TSHZ3: variants seen among roughly 807,000 people sequenced by gnomAD.
TSHZ3 encodes the protein teashirt zinc finger homeobox 3.
Under a neutral mutation model 64.5 loss-of-function variants are expected in TSHZ3, and 10 were observed. The ratio of observed to expected loss-of-function variants is 0.16; its 90% confidence interval spans 0.10 to 0.26. The LOEUF is 0.26. TSHZ3 is among the 10% of genes least tolerant of loss of function. The pLI, the probability that TSHZ3 is intolerant of heterozygous loss-of-function variation, is 1.00. For synonymous variants in TSHZ3, 608 were observed against 593.1 expected, an observed-to-expected ratio of 1.03 and a Z score of -0.36; for missense variants, 1,242 against 1,421.7, an observed-to-expected ratio of 0.87 and a Z score of 2.03.
intron 1 of TSHZ3, chr19:31,308,730 G>A (rs1916368267): frequency 1.0e-5 from 4 of 398,504 alleles, no homozygotes; most frequent in South Asian, 1.3e-4. Flanking sequence ...AGAAAAACAG[G>A]GACACACCGT....
intron 3 of TSHZ3, among the ~76,000 whole-genome samples, chr19:31,235,956 C>A (rs1975608442): frequency 6.6e-6 from 1 of 152,066 alleles, no homozygotes; most frequent in African/African-American, 2.4e-5. Context: ...CCCACCTCAG[C>A]TTCCCAAAGG....
chr19:31,251,642 T>C (rs1478261716), intron 1 of TSHZ3, among the ~76,000 whole-genome samples: 2 of 152,214 alleles, frequency 1.3e-5, no homozygotes, highest in African/African-American at 2.4e-5. Flanking sequence ...TATGGGTTCC[T>C]GGAACCTTTG....
chr19:31,193,324 A>T (rs1199764184), intron 5 of TSHZ3, among the ~76,000 whole-genome samples: 1 of 152,140 alleles, frequency 6.6e-6, no homozygotes, highest in Admixed American at 6.5e-5. Context: ...AGTAACAAAT[A>T]TCCAACTCCA....
At chr19:31,246,737 C>G (rs1975762391) in intron 1 of TSHZ3, among the ~76,000 whole-genome samples, 2 of 152,098 alleles carry the variant, frequency 1.3e-5, no homozygotes, top group Admixed American at 6.6e-5. Context: ...GCATACTTAG[C>G]ATGGAGGCGT....
At chr19:31,258,714 C>G (rs1383962604) in intron 1 of TSHZ3, among the ~76,000 whole-genome samples, 5 of 152,200 alleles carry the variant, frequency 3.3e-5, no homozygotes, top group African/African-American at 1.2e-4. Flanking sequence ...GAAGGAAGAA[C>G]TGATGCCTGA....
intron 1 of TSHZ3, among the ~76,000 whole-genome samples, chr19:31,294,701 T>A (rs560530480): frequency 6.6e-6 from 1 of 152,210 alleles, no homozygotes; most frequent in African/African-American, 2.4e-5. Context: ...TATTGACTGG[T>A]TGGCATCACA....
chr19:31,245,330 A>G (rs1975746806), intron 1 of TSHZ3, among the ~76,000 whole-genome samples: 1 of 152,088 alleles, frequency 6.6e-6, no homozygotes, highest in Admixed American at 6.5e-5. Flanking sequence ...AAATAAGATA[A>G]TGTGCACAGG....
intron 1 of TSHZ3, among the ~76,000 whole-genome samples, chr19:31,294,142 A>G (rs981104835): frequency 2.0e-5 from 3 of 152,242 alleles, no homozygotes; most frequent in African/African-American, 7.2e-5. Context: ...GTTTAGCCCT[A>G]CCCTTTCTGC....
chr19:31,316,841 C>T (rs1032066904), intron 1 of TSHZ3, among the ~76,000 whole-genome samples: 57 of 152,216 alleles, frequency 3.7e-4, no homozygotes, highest in Non-Finnish European at 7.6e-4. Context: ...GCTCACTGTA[C>T]GCTGTGTCAC....
chr19:31,208,876 G>A (rs905987951), intron 4 of TSHZ3, among the ~76,000 whole-genome samples: 2 of 152,210 alleles, frequency 1.3e-5, no homozygotes, highest in Non-Finnish European at 2.9e-5. Flanking sequence ...TTGAGTTGTG[G>A]AAGGCCCAAG....
rs79771753 is a variant in TSHZ3, at chr19:31,326,020, C to T, written c.40+23160G>A. Among the ~76,000 whole-genome samples, 1,452 of 152,218 alleles carry T rather than the reference C, an allele frequency of 9.5e-3. 72 individuals carry two copies. The East Asian group carries it at 0.13, about 14-fold the overall frequency. On this transcript the variant is annotated intron_variant, in intron 1 of 1. Coordinates refer to ENST00000240587, the MANE Select transcript of TSHZ3 (RefSeq NM_020856.4). Reference sequence around the variant, plus strand: ...CACCTAGTTTAAAACTTTAACATTCCGCTTTATTTGCTTTATCACATATAT... The same window carrying T: ...CACCTAGTTTAAAACTTTAACATTCTGCTTTATTTGCTTTATCACATATAT...
chr19:31,297,615 C>T (rs537772933), intron 1 of TSHZ3, among the ~76,000 whole-genome samples: 2 of 152,280 alleles, frequency 1.3e-5, no homozygotes, highest in Non-Finnish European at 2.9e-5. Context: ...CAGGTGCACA[C>T]CACCACGCCT....
chr19:31,327,893 C>T (rs1261539747), intron 1 of TSHZ3, among the ~76,000 whole-genome samples: 2 of 152,242 alleles, frequency 1.3e-5, no homozygotes, highest in African/African-American at 4.8e-5. Flanking sequence ...TGTTCTCTTT[C>T]TCTAGAGTTT....
chr19:31,250,949 T>C (rs1260835373), intron 1 of TSHZ3, among the ~76,000 whole-genome samples: 2 of 152,140 alleles, frequency 1.3e-5, no homozygotes, highest in Admixed American at 6.5e-5. Context: ...GTTTGGTGTC[T>C]GACCACAGGG....
intron 5 of TSHZ3, among the ~76,000 whole-genome samples, chr19:31,186,486 T>A (rs1974812044): frequency 2.0e-5 from 3 of 152,214 alleles, no homozygotes; most frequent in Non-Finnish European, 4.4e-5. Context: ...TTTGCTTCCC[T>A]TTCCCCCTTC....
chr19:31,222,183 C>T (rs965664998), intron 4 of TSHZ3, among the ~76,000 whole-genome samples: 2 of 152,278 alleles, frequency 1.3e-5, no homozygotes, highest in South Asian at 2.1e-4. Context: ...GTAGAATGTA[C>T]ATCTGTAAGT....
At chr19:31,303,664 G>A (rs751589528) in intron 1 of TSHZ3, among the ~76,000 whole-genome samples, 4 of 152,104 alleles carry the variant, frequency 2.6e-5, no homozygotes, top group Non-Finnish European at 5.9e-5. Flanking sequence ...TTTCTTCCCA[G>A]CAAGGTGTCA....
intron 1 of TSHZ3, among the ~76,000 whole-genome samples, chr19:31,248,330 G>A (rs1206358083): frequency 6.6e-6 from 1 of 152,196 alleles, no homozygotes; most frequent in African/African-American, 2.4e-5. Context: ...AAGAGAATAT[G>A]AGAATTCTCG....
chr19:31,150,739 T>A (rs1323796735), exon 7 of TSHZ3, among the ~76,000 whole-genome samples: 2 of 152,190 alleles, frequency 1.3e-5, no homozygotes, highest in Admixed American at 1.3e-4. Flanking sequence ...TTTCCAGGTA[T>A]CTTTTTTTGT....
Sources: allele counts gnomAD v4.1 joint callset (sites outside exome capture counted in the v4.1 genomes callset), GRCh38; gene constraint gnomAD v4.1.1; transcripts MANE v1.5; gene names NCBI Gene and HGNC (gene_info 2026-07-23, HGNC 2026-07-21).